SSH2: variants seen among roughly 807,000 people sequenced by gnomAD.
The protein encoded by SSH2 is protein phosphatase Slingshot homolog 2.
SSH2 carries 37 observed loss-of-function variants against 135.2 expected under a neutral mutation model. The ratio of observed to expected loss-of-function variants is 0.27; its 90% CI spans 0.21 to 0.36. The LOEUF (loss-of-function observed/expected upper bound fraction) is 0.36. Among genes scored for constraint, SSH2 ranks in the 10% least tolerant of loss-of-function variants. The pLI is 1.00. For missense variants in SSH2, 1,408 were observed against 1,765.3 expected (o/e 0.80, Z 3.63); for synonymous variants, 628 against 646.2 (o/e 0.97, Z 0.43).
chr17:29,669,991 C>T (rs1423276892), intron 9 of SSH2, among the ~76,000 whole-genome samples: 1 of 151,150 alleles, frequency 6.6e-6, no homozygotes, highest in East Asian at 2.0e-4. Context: ...AAGTGGTTCT[C>T]CTGCCTCAGC....
intron 8 of SSH2, among the ~76,000 whole-genome samples, chr17:29,675,172 G>A (rs1386112929): frequency 6.6e-6 from 1 of 152,076 alleles, no homozygotes; most frequent in East Asian, 1.9e-4. Context: ...TAAAAATCTG[G>A]TCTAAACACA....
At chr17:29,695,777 CCAGTCT>C (rs570255800) in intron 4 of SSH2, among the ~76,000 whole-genome samples, 1 of 152,084 alleles carries the variant, frequency 6.6e-6, no homozygotes, top group Non-Finnish European at 1.5e-5. Flanking sequence ...ACACTTGAGA[CCAGTCT>C]CAGTTTTGTA....
chr17:29,800,550 A>G (rs1056322766), intron 2 of SSH2, among the ~76,000 whole-genome samples: 1 of 152,202 alleles, frequency 6.6e-6, no homozygotes, highest in Non-Finnish European at 1.5e-5. Flanking sequence ...TACCAGGAGA[A>G]AAGTGTAGAG....
chr17:29,645,930 G>A (rs1465331706), intron 14 of SSH2: 1 of 152,114 alleles, frequency 6.6e-6, no homozygotes, highest in Non-Finnish European at 1.5e-5. Context: ...GCCCAGATAG[G>A]CTGGAAGGCT....
intron 2 of SSH2, among the ~76,000 whole-genome samples, chr17:29,806,720 T>C (rs749903894): frequency 2.6e-5 from 4 of 152,210 alleles, no homozygotes; most frequent in Non-Finnish European, 4.4e-5. Context: ...GGCTATACCA[T>C]ACTAGTTGTG....
chr17:29,653,527 C>G (rs1029375417), intron 12 of SSH2, among the ~76,000 whole-genome samples: 1 of 152,118 alleles, frequency 6.6e-6, no homozygotes, highest in South Asian at 2.1e-4. Flanking sequence ...TTGGCAAACA[C>G]TGCTATACCG....
At chr17:29,842,573 A>G (rs2043061767) in intron 2 of SSH2, among the ~76,000 whole-genome samples, 1 of 152,128 alleles carries the variant, frequency 6.6e-6, no homozygotes, top group African/African-American at 2.4e-5. Context: ...TACAAATCTT[A>G]TTTCTCCTCA....
intron 9 of SSH2, among the ~76,000 whole-genome samples, chr17:29,668,957 G>A (rs1471725355): frequency 6.6e-6 from 1 of 151,744 alleles, no homozygotes; most frequent in Admixed American, 6.6e-5. Flanking sequence ...TCTATAAAAT[G>A]AGTAGAGCAG....
intron 14 of SSH2, chr17:29,641,648 G>A (rs1173967343): frequency 6.6e-6 from 1 of 152,170 alleles, no homozygotes; most frequent in Non-Finnish European, 1.5e-5. Flanking sequence ...TAGGGGCCAT[G>A]CCAATCTTCT....
chr17:29,680,892 T>C (rs929128487), intron 6 of SSH2, among the ~76,000 whole-genome samples: 1 of 152,100 alleles, frequency 6.6e-6, no homozygotes, highest in Non-Finnish European at 1.5e-5. Flanking sequence ...ATGACAAATC[T>C]AGAAATTAAC....
At chr17:29,879,813 C>T (rs1599133822) in intron 1 of SSH2, among the ~76,000 whole-genome samples, 1 of 152,280 alleles carries the variant, frequency 6.6e-6, no homozygotes, top group East Asian at 1.9e-4. Flanking sequence ...TGCAATGTTT[C>T]CAAATCCCAG....
intron 2 of SSH2, among the ~76,000 whole-genome samples, chr17:29,848,091 C>T (rs555911595): frequency 2.4e-4 from 36 of 152,260 alleles, no homozygotes; most frequent in African/African-American, 7.9e-4. Context: ...AACTAAGAAC[C>T]CTCCTGGGCT....
In SSH2 at chr17:29,629,392, G is replaced by A. The variant is rs2035586925; in HGVS notation, c.*1449C>T. 6.5e-6 allele frequency: 1 copy of A among 152,678 alleles called. No homozygotes were observed. Among genetic ancestry groups the A allele is most frequent in the Admixed American group, 6.5e-5 (1 of 15,288 alleles). 9.5% of individuals were successfully genotyped at this position (152,678 alleles called of 1,614,324 possible). A position where few individuals can be genotyped will look rare whatever the true frequency, so the allele number is the denominator to read the frequency against. ...AGTCTCACAGAGAAATCAGCTTTCA[G>A]TCACGCTGTGACCTAATGGGAGCCT... On this transcript the variant is annotated 3_prime_UTR_variant, in exon 16 of 16. Coordinates refer to ENST00000540801, the MANE Select transcript of SSH2 (RefSeq NM_001282129.2).
In SSH2 at chr17:29,626,953, A is replaced by C. The variant is rs2035519076; in HGVS notation, c.*3888T>G. On this transcript the variant is annotated 3_prime_UTR_variant, in exon 16 of 16. Coordinates refer to ENST00000540801, the MANE Select transcript of SSH2 (RefSeq NM_001282129.2). ...ATGACACTAGCCATTCACCATTACA[A>C]CCATCACTATAAGACACACCATCAC... 6.6e-6 allele frequency: 1 copy of C among 152,258 alleles called. No individual in the cohort carries two copies. The highest frequency in any genetic ancestry group is 1.5e-5 in the Non-Finnish European group (1 of 68,030). 9.4% of individuals were successfully genotyped at this position (152,258 alleles called of 1,614,324 possible). A position where few individuals can be genotyped will look rare whatever the true frequency, so the allele number is the denominator to read the frequency against.
At chr17:29,667,761 T>C (rs1388730999) in intron 9 of SSH2, among the ~76,000 whole-genome samples, 3 of 152,132 alleles carry the variant, frequency 2.0e-5, no homozygotes, top group Admixed American at 6.5e-5. Flanking sequence ...TCCTTTTCTA[T>C]AGGGAGAGGA....
chr17:29,812,861 C>G (rs1393032110), intron 2 of SSH2, among the ~76,000 whole-genome samples: 1 of 151,362 alleles, frequency 6.6e-6, no homozygotes, highest in Non-Finnish European at 1.5e-5. Flanking sequence ...TGCACTCCAG[C>G]CTGGGTGACA....
At chr17:29,835,117 T>C (rs1014500304) in intron 2 of SSH2, among the ~76,000 whole-genome samples, 26 of 152,160 alleles carry the variant, frequency 1.7e-4, no homozygotes, top group Admixed American at 2.0e-4. Flanking sequence ...ATGAAACCTT[T>C]CCAAACAGAA....
intron 1 of SSH2, among the ~76,000 whole-genome samples, chr17:29,880,120 CATT>C (rs2066110077): frequency 6.6e-6 from 1 of 152,226 alleles, no homozygotes; most frequent in South Asian, 2.1e-4. Flanking sequence ...CATCAAACAT[CATT>C]GAGTGCCTAC....
chr17:29,739,508 A>G (rs1041343074), intron 3 of SSH2, among the ~76,000 whole-genome samples: 2 of 152,242 alleles, frequency 1.3e-5, no homozygotes, highest in Admixed American at 1.3e-4. Context: ...CTGCTAACTT[A>G]AAGGATATTC....
Sources: allele counts gnomAD v4.1 joint callset (sites outside exome capture counted in the v4.1 genomes callset), GRCh38; gene constraint gnomAD v4.1.1; transcripts MANE v1.5; gene names NCBI Gene and HGNC (gene_info 2026-07-23, HGNC 2026-07-21).